Variants in DSCAML1 observed in about 807,000 individuals in gnomAD.
DSCAML1 encodes the protein DS cell adhesion molecule like 1.
In DSCAML1, 38 loss-of-function variants were observed where a neutral mutation model predicts 200.5. The ratio of observed to expected loss-of-function variants is 0.19; its 90% CI spans 0.15 to 0.25. The LOEUF is 0.25. Among genes scored for constraint, DSCAML1 ranks in the 10% least tolerant of loss-of-function variants. DSCAML1 has a pLI of 1.00. For synonymous variants in DSCAML1, 1,215 were observed against 1,165.0 expected (o/e 1.04, Z -0.87); for missense variants, 2,223 against 2,858.8 (o/e 0.78, Z 5.07).
intron 22 of DSCAML1, 100 bp from the exon 23 acceptor site, chr11:117,439,529 A>C: frequency 6.9e-7 from 1 of 1,456,224 alleles, no homozygotes; most frequent in South Asian, 1.3e-5. Context: ...GGGTGGAAGG[A>C]GGCTCGCCAG....
intron 14 of DSCAML1, among the ~76,000 whole-genome samples, chr11:117,477,677 T>C (rs1178107383): frequency 1.3e-5 from 2 of 152,204 alleles, no homozygotes; most frequent in African/African-American, 4.8e-5. Flanking sequence ...AGATGCTTTC[T>C]CTCTAATCCT....
At position 117,505,513 on chromosome 11, in the gene DSCAML1, G is replaced by T; in HGVS notation, c.2003C>A (p.Thr668Lys). The change falls in exon 9 of 33, where the codon ACA (threonine) becomes AAA (lysine). Residue 668 changes from threonine (T) to lysine (K), a missense_variant. By Grantham distance (78) the Thr-to-Lys change is moderately conservative. Around this residue, in one of 7 missense-constraint regions of DSCAML1, gnomAD observed 212 missense variants for 368.0 expected, o/e 0.58. Transcript: ENST00000651296. This position sits in a 1 kb window ranked among gnomAD's most constrained non-coding sequence, Gnocchi z 6.7. ...GGCGGCTGCGTTGCTGGCGATGCAT[G>T]TATAGTTGCCGTTGTGCTTGAGGGA... ...SVSLKHNGNYTCIASNAAATV... is the reference protein window; with the variant it reads ...SVSLKHNGNYKCIASNAAATV... 6.2e-7 allele frequency: 1 copy of T among 1,613,336 alleles called. No individual in the cohort carries two copies. Among genetic ancestry groups the T allele is most frequent in the South Asian group, 1.1e-5 (1 of 91,072 alleles).
upstream of DSCAML1, chr11:117,801,129 C>T (rs771471902): frequency 2.0e-5 from 3 of 152,128 alleles, no homozygotes; most frequent in Admixed American, 6.5e-5. Flanking sequence ...TCCCTGCTTC[C>T]CTCCCCAAAA....
chr11:117,737,004 G>A (rs1220625780), intron 3 of DSCAML1, among the ~76,000 whole-genome samples: 1 of 152,172 alleles, frequency 6.6e-6, no homozygotes, highest in African/African-American at 2.4e-5. Flanking sequence ...ACATTGTCAA[G>A]CACCGGCACA....
intron 3 of DSCAML1, among the ~76,000 whole-genome samples, chr11:117,591,518 C>T (rs891058783): frequency 1.3e-5 from 2 of 152,220 alleles, no homozygotes; most frequent in Admixed American, 6.5e-5. Context: ...TCTGCGAGTG[C>T]TATGCGAGCC....
chr11:117,486,171 T>C (rs988639522), intron 11 of DSCAML1, among the ~76,000 whole-genome samples: 1 of 152,210 alleles, frequency 6.6e-6, no homozygotes, highest in Non-Finnish European at 1.5e-5. Context: ...CGCAAGTGAA[T>C]GCAATCAGCC....
chr11:117,776,303 G>A (rs1244408895), intron 3 of DSCAML1, among the ~76,000 whole-genome samples: 1 of 152,132 alleles, frequency 6.6e-6, no homozygotes, highest in Admixed American at 6.5e-5. Flanking sequence ...ATTCAAGAAG[G>A]GAAGAAGGAA....
intron 3 of DSCAML1, among the ~76,000 whole-genome samples, chr11:117,666,749 TG>T (rs1183780537): frequency 6.6e-6 from 1 of 152,210 alleles, no homozygotes; most frequent in African/African-American, 2.4e-5. Context: ...GTTTTAGATG[TG>T]GCTACCTCAG....
chr11:117,640,067 C>T (rs972429907), intron 3 of DSCAML1, among the ~76,000 whole-genome samples: 2 of 152,148 alleles, frequency 1.3e-5, no homozygotes, highest in African/African-American at 4.8e-5. Flanking sequence ...CTGAAGCTTC[C>T]TCAGATGCAG....
chr11:117,478,995 T>C (rs1295229471), intron 14 of DSCAML1, among the ~76,000 whole-genome samples: 1 of 152,256 alleles, frequency 6.6e-6, no homozygotes, highest in Admixed American at 6.5e-5. Context: ...GTATCAAAGA[T>C]GACTGACCCA....
chr11:117,643,566 G>A (rs1009374660), intron 3 of DSCAML1, among the ~76,000 whole-genome samples: 4 of 152,118 alleles, frequency 2.6e-5, no homozygotes, highest in Non-Finnish European at 5.9e-5. Flanking sequence ...TCGAAGGTGA[G>A]CTGCCACATC....
intron 3 of DSCAML1, among the ~76,000 whole-genome samples, chr11:117,768,752 C>G (rs183620852): frequency 2.0e-5 from 3 of 152,206 alleles, no homozygotes; most frequent in African/African-American, 7.2e-5. Context: ...CTCAAGGTCA[C>G]CAATTAAGAC....
In DSCAML1 at chr11:117,498,018, A is replaced by T. The variant is rs1324081126; in HGVS notation, c.2359+5827T>A. ...GTGAGCCCGGATGGGATTGGACCAGACCTGTGGACTAGAGGTCCGTCAGCC... is the reference window on the plus strand; with the variant it reads ...GTGAGCCCGGATGGGATTGGACCAGTCCTGTGGACTAGAGGTCCGTCAGCC... On this transcript the variant is annotated intron_variant, in intron 11 of 32. Coordinates refer to ENST00000651296, the MANE Select transcript of DSCAML1 (RefSeq NM_020693.4). This position sits in a 1 kb window ranked among gnomAD's most constrained non-coding sequence, Gnocchi z 4.0. 6.6e-6 allele frequency among the ~76,000 whole-genome samples: 1 copy of T among 152,178 alleles called. No individual in the cohort carries two copies. The highest frequency in any genetic ancestry group is 1.5e-5 in the Non-Finnish European group (1 of 68,016).
At chr11:117,626,404 T>C (rs1720461990) in intron 3 of DSCAML1, among the ~76,000 whole-genome samples, 1 of 152,172 alleles carries the variant, frequency 6.6e-6, no homozygotes, top group Admixed American at 6.5e-5. Context: ...TGCTGCCTGA[T>C]TGCTTTCAGG....
At position 117,516,909 on chromosome 11, in the gene DSCAML1, CAG is replaced by C. The variant is rs771691087; in HGVS notation, c.1511-172_1511-171del. ...GGATGCCTTTTTACAAAGCTACAGACAGGGGCTGGAATTGGGGGGTGCCCACA... is the reference window on the plus strand; with the variant it reads ...GGATGCCTTTTTACAAAGCTACAGACGGGCTGGAATTGGGGGGTGCCCACA... On this transcript the variant is annotated intron_variant, in intron 7 of 32. Transcript: ENST00000651296. The surrounding 1 kb of genome is among the most constrained non-coding windows in gnomAD (Gnocchi z 5.7). Among the ~76,000 whole-genome samples the C allele has an allele frequency of 9.9e-5, 15 of 152,138 alleles. No individual in the cohort carries two copies. The highest frequency in any genetic ancestry group is 4.6e-4 in the Admixed American group (7 of 15,276).
chr11:117,545,757 G>A (rs1304301250), intron 3 of DSCAML1, among the ~76,000 whole-genome samples: 1 of 152,194 alleles, frequency 6.6e-6, no homozygotes, highest in Non-Finnish European at 1.5e-5. Flanking sequence ...AGGTGGGCAG[G>A]GAACTAGCCC....
At chr11:117,677,102 C>T (rs1240211369) in intron 3 of DSCAML1, among the ~76,000 whole-genome samples, 2 of 152,216 alleles carry the variant, frequency 1.3e-5, no homozygotes, top group East Asian at 3.8e-4. Context: ...AGGTTTGAAT[C>T]TCCAAGTCTC....
chr11:117,467,199 CCCCT>C (rs1416885010), intron 16 of DSCAML1, among the ~76,000 whole-genome samples: 7 of 133,348 alleles, frequency 5.2e-5, no homozygotes, highest in African/African-American at 9.2e-5. Flanking sequence ...ACACACCTCC[CCCCT>C]CCCCCCGCCG....
Position 117,475,535 on chromosome 11 carries a change from C to A in DSCAML1, c.2786-3499G>T, listed in dbSNP as rs147954640. ...AGGGTTCACTGTTTGGTGGTAACTG[C>A]CCAAGGAGATGCTAAGCTCCCTGAA... is the stretch of plus-strand genomic sequence containing the variant. On this transcript the variant is annotated intron_variant, in intron 14 of 32. Coordinates refer to ENST00000651296, the MANE Select transcript of DSCAML1 (RefSeq NM_020693.4). Among the ~76,000 whole-genome samples, 7 of 152,286 alleles carry A rather than the reference C, an allele frequency of 4.6e-5. No homozygotes were observed. The East Asian group carries it at 1.4e-3, about 29-fold the overall frequency.
Sources: allele counts gnomAD v4.1 joint callset (sites outside exome capture counted in the v4.1 genomes callset), GRCh38; gene constraint gnomAD v4.1.1; regional missense constraint gnomAD v4.1.1; non-coding constraint Gnocchi (gnomAD v3.1); transcripts MANE v1.5; gene names NCBI Gene and HGNC (gene_info 2026-07-23, HGNC 2026-07-21).